The following SYCE1L variants were observed in gnomAD, a reference collection of about 807,000 sequenced individuals.
The protein encoded by SYCE1L is synaptonemal complex central element protein 1-like.
SYCE1L carries 51 observed loss-of-function variants against 39.6 expected under a neutral mutation model. The ratio of observed to expected loss-of-function variants is 1.29; its 90% CI spans 1.03 to 1.63. SYCE1L has a LOEUF of 1.63. Ranked by LOEUF, SYCE1L falls within the 40% of genes most tolerant of loss-of-function variation. The pLI, the probability that SYCE1L is intolerant of heterozygous loss-of-function variation, is 0.00. For synonymous variants in SYCE1L, 147 were observed against 122.4 expected, an observed-to-expected ratio of 1.20 and a Z score of -1.33; for missense variants, 426 against 304.9, an observed-to-expected ratio of 1.40 and a Z score of -2.96.
At chr16:77,199,621 A>G in intron 1 of SYCE1L, 109 bp downstream of exon 1, 2 of 969,738 alleles carry the variant, frequency 2.1e-6, no homozygotes, top group Non-Finnish European at 3.1e-6. Flanking sequence ...TTTTTTAAAT[A>G]AAATGTTAAG....
chr16:77,208,567 C>A, intron 4 of SYCE1L, 28 bp downstream of exon 4: 1 of 1,549,198 alleles, frequency 6.5e-7, no homozygotes. Context: ...AGGGACCCAT[C>A]AACACTGCAG....
At chr16:77,210,653 A>T (rs2054816194) in intron 6 of SYCE1L, among the ~76,000 whole-genome samples, 1 of 152,194 alleles carries the variant, frequency 6.6e-6, no homozygotes, top group African/African-American at 2.4e-5. Context: ...CCAGGATGTT[A>T]TAGAATCTGT....
chr16:77,207,322 G>T (rs1413835869), intron 2 of SYCE1L, among the ~76,000 whole-genome samples: 1 of 152,202 alleles, frequency 6.6e-6, no homozygotes, highest in African/African-American at 2.4e-5. Context: ...TCTGGCAAGG[G>T]TTGGACAGCT....
At position 77,208,629 on chromosome 16, in the gene SYCE1L, A is replaced by G. The variant is rs962185803; in HGVS notation, c.256+90A>G. 7.2e-6 allele frequency: 9 copies of G among 1,255,752 alleles called. No individual in the cohort carries two copies. The African/African-American group carries it at 1.4e-4, about 19-fold the overall frequency. The allele number at this position is 1,255,752 out of a possible 1,614,324, so 77.8% of individuals were successfully genotyped here. A position where few individuals can be genotyped will look rare whatever the true frequency, so the allele number is the denominator to read the frequency against. On this transcript the variant is annotated intron_variant, in intron 4 of 10. Transcript: ENST00000378644. ...TTGCACAGGCTGCTCCCTGGCCTAC[A>G]ATGCTCTTAGCTCACATAATCTGTA...
At chr16:77,211,387 T>G in intron 7 of SYCE1L, 111 bp downstream of exon 7, 1 of 1,294,182 alleles carries the variant, frequency 7.7e-7, no homozygotes, top group Non-Finnish European at 1.1e-6. Context: ...GGATAGTCCT[T>G]GATTCCTTGC....
At chr16:77,208,359 G>T in intron 3 of SYCE1L, 90 bp downstream of exon 3, 1 of 1,539,546 alleles carries the variant, frequency 6.5e-7, no homozygotes, top group Non-Finnish European at 8.8e-7. Context: ...TAAAATCTAG[G>T]CCCCTCTAGG....
chr16:77,205,003 C>T (rs1400283716), intron 1 of SYCE1L, among the ~76,000 whole-genome samples: 1 of 146,398 alleles, frequency 6.8e-6, no homozygotes, highest in East Asian at 2.0e-4. Context: ...TGAGATCGTG[C>T]CACTGCACTC....
chr16:77,208,036 T>C (rs1454785416), intron 2 of SYCE1L, among the ~76,000 whole-genome samples, 174 bp from the exon 3 acceptor site: 1 of 152,242 alleles, frequency 6.6e-6, no homozygotes, highest in Non-Finnish European at 1.5e-5. Flanking sequence ...TCAATGTCCA[T>C]CTTGCCAACC....
intron 9 of SYCE1L, 29 bp downstream of exon 9, chr16:77,212,398 G>A (rs1299258498): frequency 6.6e-7 from 1 of 1,526,052 alleles, no homozygotes; most frequent in Non-Finnish European, 8.8e-7. Context: ...AGTGGGCGAG[G>A]AGGGCAGGGG....
intron 1 of SYCE1L, chr16:77,200,919 C>T (rs1172648456): frequency 2.0e-5 from 3 of 152,136 alleles, no homozygotes; most frequent in Non-Finnish European, 4.4e-5. Flanking sequence ...TAACTGTTGT[C>T]ACCTTTCTGC....
At chr16:77,207,476 C>G (rs957027786) in intron 2 of SYCE1L, among the ~76,000 whole-genome samples, 1 of 152,186 alleles carries the variant, frequency 6.6e-6, no homozygotes, top group African/African-American at 2.4e-5. Flanking sequence ...CACTGGGAAA[C>G]TTGCAAGCTG....
At chr16:77,212,784 AG>A in intron 10 of SYCE1L, 72 bp from the exon 11 acceptor site, 2 of 1,423,348 alleles carry the variant, frequency 1.4e-6, no homozygotes, top group South Asian at 2.9e-5. Context: ...GCCGCGGTGG[AG>A]GCCTAGGGCA....
At chr16:77,204,059 C>T (rs920523610) in intron 1 of SYCE1L, among the ~76,000 whole-genome samples, 1 of 151,546 alleles carries the variant, frequency 6.6e-6, no homozygotes, top group Admixed American at 6.6e-5. Context: ...CAGTTTTTGC[C>T]TGTCCAGTTG....
At chr16:77,201,522 CAA>C (rs996644134) in intron 1 of SYCE1L, 7 of 152,182 alleles carry the variant, frequency 4.6e-5, no homozygotes, top group African/African-American at 1.7e-4. Flanking sequence ...AGAGCTGACT[CAA>C]AGTAAAGGCT....
At chr16:77,211,009 T>C (rs1195421913) in intron 6 of SYCE1L, among the ~76,000 whole-genome samples, 1 of 152,154 alleles carries the variant, frequency 6.6e-6, no homozygotes, top group South Asian at 2.1e-4. Context: ...GGCAGGCCAC[T>C]GTGTAGAAAG....
chr16:77,206,564 A>G (rs749120816), intron 2 of SYCE1L, 64 bp downstream of exon 2: 6 of 1,504,010 alleles, frequency 4.0e-6, no homozygotes, highest in Middle Eastern at 3.4e-4. Context: ...CATGGTACAA[A>G]TTCAGCCCCC....
intron 1 of SYCE1L, among the ~76,000 whole-genome samples, chr16:77,206,084 T>C (rs1471788421): frequency 6.6e-6 from 1 of 152,212 alleles, no homozygotes; most frequent in Non-Finnish European, 1.5e-5. Context: ...AAGAAATTCA[T>C]ATGAAATCTT....
intron 1 of SYCE1L, among the ~76,000 whole-genome samples, chr16:77,204,768 G>T (rs1253845789): frequency 6.6e-6 from 1 of 152,160 alleles, no homozygotes; most frequent in African/African-American, 2.4e-5. Context: ...GATGTGGCCG[G>T]CTGCGGTGGC....
intron 1 of SYCE1L, among the ~76,000 whole-genome samples, chr16:77,205,803 G>A (rs1221587415): frequency 1.3e-5 from 2 of 152,078 alleles, no homozygotes; most frequent in Non-Finnish European, 2.9e-5. Context: ...GCCGTGTTGT[G>A]TTCCTTCATC....
Sources: gnomAD v4.1 joint callset for allele counts (sites outside exome capture counted in the v4.1 genomes callset) on GRCh38, gnomAD v4.1.1 for gene constraint, MANE v1.5 for transcripts, NCBI Gene and HGNC (gene_info 2026-07-23, HGNC 2026-07-21) for gene names.